KCNC2: variants seen among roughly 807,000 people sequenced by gnomAD.
KCNC2 encodes the protein potassium voltage-gated channel subfamily C member 2, also known as voltage-gated potassium channel KCNC2.
In KCNC2, 21 loss-of-function variants were observed where a neutral mutation model predicts 44.5. The observed-to-expected ratio is 0.47, with a 90% CI of 0.33 to 0.68. KCNC2 has a LOEUF of 0.68. Ranked by LOEUF, KCNC2 falls within the 30% of genes least tolerant of loss-of-function variation. The pLI, the probability that KCNC2 is intolerant of heterozygous loss-of-function variation, is 0.01. For synonymous variants in KCNC2, 391 were observed against 339.1 expected (o/e 1.15, Z -1.68); for missense variants, 589 against 826.2 (o/e 0.71, Z 3.52).
At chr12:75,182,119 C>T (rs1246250914) in intron 2 of KCNC2, among the ~76,000 whole-genome samples, 1 of 151,408 alleles carries the variant, frequency 6.6e-6, no homozygotes, top group South Asian at 2.1e-4. Context: ...AATTTCCACC[C>T]AGGTAGTCTG....
At position 75,092,887 on chromosome 12, in the gene KCNC2, A is replaced by T. The variant is rs1219204247; in HGVS notation, c.688-41570T>A. 6.6e-5 allele frequency among the ~76,000 whole-genome samples: 10 copies of T among 151,590 alleles called. No homozygotes were observed. The Admixed American group carries it at 6.6e-4, about 10-fold the overall frequency. The stretch of plus-strand genomic sequence containing the variant: ...TTAAGCCTAATATGTGGATAAGCTT[A>T]TTATATTGCAGTAGAAGTCATTCTT... On this transcript the variant is annotated intron_variant, in intron 2 of 4. Transcript: ENST00000549446.
At chr12:75,136,909 G>C (rs1889272141) in intron 2 of KCNC2, among the ~76,000 whole-genome samples, 1 of 152,068 alleles carries the variant, frequency 6.6e-6, no homozygotes, top group Admixed American at 6.6e-5. Flanking sequence ...CAATACCTTT[G>C]CTTTACTCTG....
At chr12:75,203,197 G>T (rs1415220955) in intron 2 of KCNC2, among the ~76,000 whole-genome samples, 1 of 151,582 alleles carries the variant, frequency 6.6e-6, no homozygotes, top group African/African-American at 2.4e-5. Flanking sequence ...AAAATCAAGT[G>T]CTACATTTAA....
At chr12:75,105,957 G>C (rs1886748782) in intron 2 of KCNC2, among the ~76,000 whole-genome samples, 1 of 151,314 alleles carries the variant, frequency 6.6e-6, no homozygotes, top group Non-Finnish European at 1.5e-5. Context: ...TAGAGAGAGA[G>C]ATTGAGAGAG....
intron 2 of KCNC2, among the ~76,000 whole-genome samples, chr12:75,114,942 C>T (rs935414654): frequency 1.4e-5 from 2 of 146,054 alleles, no homozygotes; most frequent in Non-Finnish European, 3.0e-5. Flanking sequence ...CGGCTCACTG[C>T]AGGCTCCGCC....
intron 2 of KCNC2, among the ~76,000 whole-genome samples, chr12:75,194,151 C>T (rs1472276102): frequency 6.6e-6 from 1 of 152,120 alleles, no homozygotes; most frequent in Non-Finnish European, 1.5e-5. Context: ...AAATTCATGT[C>T]TACCCCAAAC....
intron 2 of KCNC2, among the ~76,000 whole-genome samples, chr12:75,054,026 C>T (rs1307573250): frequency 6.6e-6 from 1 of 150,928 alleles, no homozygotes; most frequent in Admixed American, 6.6e-5. Context: ...AGTTCAAGAC[C>T]ATCCTGGCCA....
chr12:75,041,349 T>C lies in KCNC2; in HGVS notation c.*1756A>G, dbSNP rs138989603. On this transcript the variant is annotated 3_prime_UTR_variant, in exon 5 of 5. Transcript: ENST00000549446. ...ATATATGTATGTCTGGATAAATACA[T>C]TGCTGTACAACATCTCCAACATGCA... 4 of 1,464,260 alleles carry C rather than the reference T, an allele frequency of 2.7e-6. No individual in the cohort carries two copies. In the African/African-American group the frequency reaches 4.2e-5, roughly 15 times the overall value. 90.7% of individuals were successfully genotyped at this position (1,464,260 alleles called of 1,614,324 possible).
At chr12:75,096,515 T>A (rs2137156934) in intron 2 of KCNC2, among the ~76,000 whole-genome samples, 1 of 152,144 alleles carries the variant, frequency 6.6e-6, no homozygotes, top group Non-Finnish European at 1.5e-5. Flanking sequence ...TTTCATTGAG[T>A]ATAGGAAAAA....
chr12:75,192,063 T>C (rs1411587076), intron 2 of KCNC2, among the ~76,000 whole-genome samples: 3 of 152,198 alleles, frequency 2.0e-5, no homozygotes, highest in African/African-American at 7.2e-5. Flanking sequence ...ATAATTCAGT[T>C]TTACATGTAA....
chr12:75,062,198 A>G (rs565786438), intron 2 of KCNC2, among the ~76,000 whole-genome samples: 1 of 152,224 alleles, frequency 6.6e-6, no homozygotes, highest in East Asian at 1.9e-4. Flanking sequence ...CCTCTTCTTT[A>G]TAACATACAT....
intron 2 of KCNC2, among the ~76,000 whole-genome samples, chr12:75,082,288 A>G (rs1174778303): frequency 6.6e-6 from 1 of 151,922 alleles, no homozygotes; most frequent in Non-Finnish European, 1.5e-5. Flanking sequence ...AGTAATAATA[A>G]TAACAATAAA....
chr12:75,045,345 A>G (rs2136920180), intron 4 of KCNC2, among the ~76,000 whole-genome samples: 1 of 152,058 alleles, frequency 6.6e-6, no homozygotes, highest in South Asian at 2.1e-4. Context: ...TCTGAATTAT[A>G]GTTTTACTAT....
At chr12:75,122,195 G>A (rs1888092867) in intron 2 of KCNC2, among the ~76,000 whole-genome samples, 1 of 152,128 alleles carries the variant, frequency 6.6e-6, no homozygotes, top group African/African-American at 2.4e-5. Context: ...GGACAACAGA[G>A]TTCATTTGTT....
intron 2 of KCNC2, among the ~76,000 whole-genome samples, chr12:75,085,515 G>C (rs918005847): frequency 6.6e-6 from 1 of 152,004 alleles, no homozygotes; most frequent in Admixed American, 6.6e-5. Flanking sequence ...TTATGAATGA[G>C]AGCATCACTT....
chr12:75,116,977 T>C (rs1592907438), intron 2 of KCNC2, among the ~76,000 whole-genome samples: 1 of 152,316 alleles, frequency 6.6e-6, no homozygotes, highest in East Asian at 1.9e-4. Flanking sequence ...CTTACAATTG[T>C]TCTTCCTACG....
intron 2 of KCNC2, among the ~76,000 whole-genome samples, chr12:75,069,558 A>T (rs1290651773): frequency 6.6e-6 from 1 of 152,184 alleles, no homozygotes; most frequent in Non-Finnish European, 1.5e-5. Context: ...GAATCATTTC[A>T]GTAGACAAAT....
At chr12:75,155,738 G>A (rs1157367279) in intron 2 of KCNC2, among the ~76,000 whole-genome samples, 1 of 151,308 alleles carries the variant, frequency 6.6e-6, no homozygotes. Flanking sequence ...ATTAGACATT[G>A]GTCAAGCAGA....
chr12:75,150,710 T>G (rs1432935448), intron 2 of KCNC2, among the ~76,000 whole-genome samples: 1 of 151,972 alleles, frequency 6.6e-6, no homozygotes, highest in Non-Finnish European at 1.5e-5. Context: ...TACATGATTC[T>G]AATCAAGATT....
Sources: allele counts gnomAD v4.1 joint callset (sites outside exome capture counted in the v4.1 genomes callset), GRCh38; gene constraint gnomAD v4.1.1; transcripts MANE v1.5; gene names NCBI Gene and HGNC (gene_info 2026-07-23, HGNC 2026-07-21).